The following DNAH3 variants were observed in gnomAD, a reference collection of about 807,000 sequenced individuals.
DNAH3 encodes the protein dynein axonemal heavy chain 3, also known as axonemal beta dynein heavy chain 3.
Under a neutral mutation model 432.5 loss-of-function variants are expected in DNAH3, and 332 were observed. The observed-to-expected ratio is 0.77, with a 90% CI of 0.70 to 0.84. The LOEUF (loss-of-function observed/expected upper bound fraction) is 0.84, where lower values mean the gene tolerates loss of function less well. DNAH3 is among the 40% of genes least tolerant of loss of function. DNAH3 has a pLI of 0.00. For synonymous variants in DNAH3, 1,956 were observed against 1,900.2 expected (o/e 1.03, Z -0.76); for missense variants, 4,861 against 5,114.0 (o/e 0.95, Z 1.51).
intron 14 of DNAH3, among the ~76,000 whole-genome samples, chr16:21,107,016 T>C (rs1238507943): frequency 1.3e-5 from 2 of 152,044 alleles, no homozygotes; most frequent in Non-Finnish European, 2.9e-5. Context: ...TACTTTATAA[T>C]GGAAGAAAGT....
chr16:20,984,286 G>A (rs1311249380), intron 48 of DNAH3, among the ~76,000 whole-genome samples: 1 of 152,082 alleles, frequency 6.6e-6, no homozygotes, highest in Non-Finnish European at 1.5e-5. Context: ...CTGGCTTCAT[G>A]GAACAGACAA....
At chr16:21,134,569 G>C (rs1401779410) in intron 6 of DNAH3, 115 bp from the exon 8 acceptor site, 5 of 946,612 alleles carry the variant, frequency 5.3e-6, no homozygotes, top group Non-Finnish European at 7.6e-6. Flanking sequence ...AGTTGGCCAG[G>C]CTGGTCTCAA....
chr16:20,992,802 C>T (rs1214307443), intron 44 of DNAH3, among the ~76,000 whole-genome samples: 1 of 152,140 alleles, frequency 6.6e-6, no homozygotes, highest in Non-Finnish European at 1.5e-5. Context: ...TTTCAGTGGA[C>T]ATTAAACATC....
Position 21,050,020 on chromosome 16 carries a change from T to TA in DNAH3, c.4239-3dup. 7 of 1,608,336 alleles carry TA rather than the reference T, an allele frequency of 4.4e-6. No individual in the cohort carries two copies. The highest frequency in any genetic ancestry group is 6.0e-6 in the Non-Finnish European group (7 of 1,175,454). ...AGCTTCAAAGCTCCCATCAGTGTCC[T>TA]ATGGGGAAGAAAATAGAACTTCAGT... On this transcript the variant is annotated splice_polypyrimidine_tract_variant and splice_region_variant and intron_variant, in intron 29 of 61. Coordinates refer to ENST00000261383, the Ensembl canonical transcript of DNAH3.
chr16:21,023,359 G>T (rs1298641181), intron 39 of DNAH3, among the ~76,000 whole-genome samples: 2 of 152,134 alleles, frequency 1.3e-5, no homozygotes, highest in Admixed American at 1.3e-4. Flanking sequence ...ATCCAGCAGG[G>T]ATATCAGTAA....
intron 19 of DNAH3, among the ~76,000 whole-genome samples, chr16:21,083,030 T>C (rs2091247903): frequency 6.6e-6 from 1 of 151,504 alleles, no homozygotes; most frequent in Non-Finnish European, 1.5e-5. Context: ...TACTTTTTTT[T>C]TTTTGAGAGA....
At chr16:20,964,431 T>A in exon 53 of DNAH3, 1 of 1,614,192 alleles carries the variant, frequency 6.2e-7, no homozygotes, top group South Asian at 1.1e-5. Flanking sequence ...TGTACTCAAC[T>A]CCTTGCTGTT....
At chr16:21,030,501 G>T (rs906091202) in intron 37 of DNAH3, among the ~76,000 whole-genome samples, 2 of 152,136 alleles carry the variant, frequency 1.3e-5, no homozygotes, top group Admixed American at 1.3e-4. Flanking sequence ...AGCCTGAGCT[G>T]CCCCAGCTGA....
intron 39 of DNAH3, 67 bp from the exon 40 acceptor site, chr16:21,022,167 G>C (rs768978757): frequency 5.1e-6 from 8 of 1,565,006 alleles, no homozygotes; most frequent in Non-Finnish European, 7.0e-6. Context: ...CCAAGAGCTT[G>C]GTCTACCTTG....
intron 24 of DNAH3, among the ~76,000 whole-genome samples, chr16:21,065,808 A>G (rs1184070880): frequency 6.7e-6 from 1 of 150,208 alleles, no homozygotes; most frequent in Non-Finnish European, 1.5e-5. Context: ...ATAAATACCA[A>G]AGATACTTCT....
chr16:21,113,572 C>T (rs2092121626), intron 12 of DNAH3, among the ~76,000 whole-genome samples: 2 of 152,152 alleles, frequency 1.3e-5, no homozygotes, highest in South Asian at 4.1e-4. Flanking sequence ...GATTCTCTTG[C>T]CTCAGCCTCT....
intron 37 of DNAH3, among the ~76,000 whole-genome samples, chr16:21,028,458 G>A (rs1312684440): frequency 6.6e-6 from 1 of 151,254 alleles, no homozygotes; most frequent in African/African-American, 2.4e-5. Flanking sequence ...GTCAGGAGTT[G>A]GAGACCAGCC....
At chr16:20,997,835 TAAAAAA>T (rs765854199) in intron 43 of DNAH3, among the ~76,000 whole-genome samples, 4 of 74,556 alleles carry the variant, frequency 5.4e-5, no homozygotes, top group Non-Finnish European at 1.1e-4. Flanking sequence ...CCTGTCTCCA[TAAAAAA>T]AAAAAAAAAA....
At chr16:20,981,739 A>G (rs1385764428) in intron 49 of DNAH3, among the ~76,000 whole-genome samples, 3 of 151,170 alleles carry the variant, frequency 2.0e-5, no homozygotes, top group Non-Finnish European at 4.4e-5. Context: ...TAAATAGATA[A>G]ATAAATAAAT....
In DNAH3 at chr16:21,027,131, A is replaced by T. The variant is rs760292381; in HGVS notation, c.5440-4T>A. ...TTTCCCCACTCATGAGACACAGCTA[A>T]AAGTGCAAAGCAGAGGGTAGCAGAC... On this transcript the variant is annotated splice_polypyrimidine_tract_variant and splice_region_variant and intron_variant, in intron 37 of 61. Coordinates refer to ENST00000261383, the Ensembl canonical transcript of DNAH3. The T allele has an allele frequency of 1.9e-6, 3 of 1,609,704 alleles. No individual in the cohort carries two copies. The highest frequency in any genetic ancestry group is 2.6e-6 in the Non-Finnish European group (3 of 1,176,144).
chr16:21,122,571 T>G (rs530110685), intron 9 of DNAH3, among the ~76,000 whole-genome samples: 4 of 151,996 alleles, frequency 2.6e-5, no homozygotes, highest in South Asian at 4.2e-4. Flanking sequence ...AAAAAACAAA[T>G]AAAATATGTA....
intron 41 of DNAH3, among the ~76,000 whole-genome samples, chr16:21,013,125 T>C (rs1406918215): frequency 6.6e-6 from 1 of 151,794 alleles, no homozygotes; most frequent in Non-Finnish European, 1.5e-5. Flanking sequence ...AAGAGAGCAA[T>C]TAAATAAAAG....
intron 41 of DNAH3, among the ~76,000 whole-genome samples, chr16:21,008,965 C>T (rs996246426): frequency 1.3e-5 from 2 of 152,170 alleles, no homozygotes; most frequent in South Asian, 2.1e-4. Context: ...TGTTATTCTA[C>T]GTCACTCTGC....
exon 53 of DNAH3, chr16:20,964,758 G>T: frequency 6.2e-7 from 1 of 1,614,098 alleles, no homozygotes; most frequent in Non-Finnish European, 8.5e-7. Context: ...CTAACGTGTG[G>T]CTGAGACTGA....
Sources: allele counts gnomAD v4.1 joint callset (sites outside exome capture counted in the v4.1 genomes callset), GRCh38; gene constraint gnomAD v4.1.1; transcripts MANE v1.5; gene names NCBI Gene and HGNC (gene_info 2026-07-23, HGNC 2026-07-21).